The following ZNF577 variants were observed in gnomAD, a reference collection of about 807,000 sequenced individuals.
ZNF577 encodes zinc finger protein 577.
In ZNF577, 14 loss-of-function variants were observed where a neutral mutation model predicts 13.9. The ratio of observed to expected loss-of-function variants is 1.00; its 90% CI spans 0.66 to 1.57. The LOEUF (loss-of-function observed/expected upper bound fraction) is 1.57. Ranked by LOEUF, ZNF577 falls within the 40% of genes most tolerant of loss-of-function variation. The probability of loss-of-function intolerance (pLI) is 0.00; values close to 1 mark genes in which losing one functional copy is unlikely to be tolerated. For missense variants in ZNF577, 555 were observed against 579.2 expected, an observed-to-expected ratio of 0.96 and a Z score of 0.43; for synonymous variants, 203 against 202.9, an observed-to-expected ratio of 1.00 and a Z score of 0.00.
rs1244145867 is a variant in ZNF577, at chr19:51,824,058, A to T, written c.*600-12384T>A. On this transcript the variant is annotated intron_variant and NMD_transcript_variant, in intron 9 of 10. Transcript: ENST00000638827. This position sits in a 1 kb window ranked among gnomAD's most constrained non-coding sequence, Gnocchi z 4.7. ...ATTCCTATGTAAGTTAGTTCATGTTATGATAGACATCAACCTGTTTGTCAG... is the reference window on the plus strand; with the variant it reads ...ATTCCTATGTAAGTTAGTTCATGTTTTGATAGACATCAACCTGTTTGTCAG... 6.2e-7 allele frequency: 1 copy of T among 1,614,004 alleles called. No homozygotes were observed. The highest frequency in any genetic ancestry group is 8.5e-7 in the Non-Finnish European group (1 of 1,180,006).
chr19:51,879,452 C>G (rs1394001821), intron 3 of ZNF577, among the ~76,000 whole-genome samples: 1 of 151,614 alleles, frequency 6.6e-6, no homozygotes, highest in Non-Finnish European at 1.5e-5. Context: ...ACCTGTAATC[C>G]CAGTTACTCA....
intron 6 of ZNF577, among the ~76,000 whole-genome samples, chr19:51,843,530 T>C (rs915095762): frequency 1.3e-5 from 2 of 152,228 alleles, no homozygotes; most frequent in Non-Finnish European, 2.9e-5. Context: ...TTTCATTCAT[T>C]TGCCCGATGT....
At chr19:51,818,053 C>G (rs998421088) in intron 9 of ZNF577, among the ~76,000 whole-genome samples, 1 of 150,800 alleles carries the variant, frequency 6.6e-6, no homozygotes, top group African/African-American at 2.4e-5. Flanking sequence ...GAGTTCACGT[C>G]CTTTTTAGGG....
intron 5 of ZNF577, among the ~76,000 whole-genome samples, chr19:51,858,181 AC>A (rs1386650942): frequency 6.6e-6 from 1 of 152,216 alleles, no homozygotes; most frequent in Non-Finnish European, 1.5e-5. Flanking sequence ...TTCCACAGAA[AC>A]CATGGGCACG....
intron 5 of ZNF577, among the ~76,000 whole-genome samples, chr19:51,856,794 G>C (rs2122581281): frequency 6.6e-6 from 1 of 152,278 alleles, no homozygotes; most frequent in African/African-American, 2.4e-5. Flanking sequence ...AAAGGTGGTA[G>C]TATATTGCAG....
intron 9 of ZNF577, among the ~76,000 whole-genome samples, chr19:51,834,206 C>T (rs2084276992): frequency 6.6e-6 from 1 of 152,136 alleles, no homozygotes; most frequent in Non-Finnish European, 1.5e-5. Context: ...TCCTCCACCT[C>T]AGTCTCTGGA....
At chr19:51,863,190 C>A (rs772136157), downstream of ZNF577, 5 of 152,146 alleles carry the variant, frequency 3.3e-5, no homozygotes, top group African/African-American at 4.8e-5. Flanking sequence ...TTCTCTGAGG[C>A]ATGGTCATGA....
chr19:51,847,909 C>T (rs1163073541), intron 5 of ZNF577, among the ~76,000 whole-genome samples: 3 of 152,192 alleles, frequency 2.0e-5, no homozygotes, highest in African/African-American at 7.2e-5. Context: ...ATTATACAAA[C>T]TCAGTAGCAC....
intron 8 of ZNF577, among the ~76,000 whole-genome samples, chr19:51,840,292 C>G: frequency 6.6e-6 from 1 of 152,170 alleles, no homozygotes; most frequent in East Asian, 1.9e-4. Context: ...CAGAAGATGG[C>G]TGCACCTATT....
intron 5 of ZNF577, chr19:51,860,524 G>A (rs2084486132): frequency 6.5e-6 from 1 of 152,728 alleles, no homozygotes; most frequent in African/African-American, 2.4e-5. Context: ...TTTAAATAAA[G>A]AATTTTAGAC....
rs376719468 is a variant in ZNF577 at position 51,873,380 on chromosome 19, G to A, written c.610C>T (p.His204Tyr). ...TTCTCTCCTGTGTGAGTTCTCTGATGCTCAGTGAGCTGAATCTTCCTCATG... is the reference window on the plus strand; with the variant it reads ...TTCTCTCCTGTGTGAGTTCTCTGATACTCAGTGAGCTGAATCTTCCTCATG... ...TFMRKIQLTE[H>Y]QRTHTGEKPH... is the part of the protein sequence containing the mutation. Residue 204 changes from histidine to tyrosine, a missense_variant, in exon 6 of 6, where the codon CAT (histidine) becomes TAT (tyrosine). Physicochemically the swap from His to Tyr is moderately conservative, Grantham distance 83 (BLOSUM62 2). Coordinates refer to ENST00000638348, the MANE Select transcript of ZNF577 (RefSeq NM_001370449.1). 6.2e-7 allele frequency: 1 copy of A among 1,614,094 alleles called. No individual in the cohort carries two copies. The highest frequency in any genetic ancestry group is 8.5e-7 in the Non-Finnish European group (1 of 1,180,046).
Position 51,869,209 on chromosome 19 carries a change from C to A in ZNF577, c.*3323G>T, listed in dbSNP as rs1173520262. ...ATAAGAGGAAGGCATCTGTCTCTTG[C>A]TCGTCCCTGGGAATGGAATGTCTTG... On this transcript the variant is annotated 3_prime_UTR_variant, in exon 6 of 6. Transcript: ENST00000638348. Among the ~76,000 whole-genome samples the A allele has an allele frequency of 6.6e-6, 1 of 152,174 alleles. No individual in the cohort carries two copies. Among genetic ancestry groups the A allele is most frequent in the Non-Finnish European group, 1.5e-5 (1 of 68,026 alleles).
intron 5 of ZNF577, among the ~76,000 whole-genome samples, chr19:51,853,081 C>A (rs1274332137): frequency 6.6e-6 from 1 of 152,098 alleles, no homozygotes; most frequent in African/African-American, 2.4e-5. Context: ...GGATGACAGG[C>A]ACAGGCCGCC....
At chr19:51,874,752 G>A (rs939789795) in intron 5 of ZNF577, among the ~76,000 whole-genome samples, 2 of 152,074 alleles carry the variant, frequency 1.3e-5, no homozygotes, top group African/African-American at 4.8e-5. Flanking sequence ...ATTATAGAAG[G>A]GAATATGCTG....
At chr19:51,862,341 A>T (rs1284720478), downstream of ZNF577, 1 of 152,444 alleles carries the variant, frequency 6.6e-6, no homozygotes, top group African/African-American at 2.4e-5. Flanking sequence ...GAGTTTTCTT[A>T]TGATTGTTGA....
Position 51,867,464 on chromosome 19 carries a change from G to A in ZNF577, c.*5068C>T, listed in dbSNP as rs1474545994. On this transcript the variant is annotated 3_prime_UTR_variant, in exon 6 of 6. Coordinates refer to ENST00000638348, the MANE Select transcript of ZNF577 (RefSeq NM_001370449.1). ...AATTACTCAATTTCCCTCCCTTAAT[G>A]AAGGACAACTTTTTAAAAACACAAA... Among the ~76,000 whole-genome samples the A allele has an allele frequency of 6.6e-6, 1 of 151,914 alleles. No individual in the cohort carries two copies. Among genetic ancestry groups the A allele is most frequent in the Non-Finnish European group, 1.5e-5 (1 of 67,974 alleles).
At chr19:51,849,178 T>A (rs2084368337) in intron 5 of ZNF577, among the ~76,000 whole-genome samples, 1 of 152,192 alleles carries the variant, frequency 6.6e-6, no homozygotes, top group Admixed American at 6.5e-5. Flanking sequence ...CCTACTCTTC[T>A]CCAATGGAGA....
At position 51,818,143 on chromosome 19, in the gene ZNF577, C is replaced by A. The variant is rs569131924; in HGVS notation, c.*600-6469G>T. ...CAGCTTTTGAGTGCTTGCTATTTTT[C>A]TCATTTAACCTTAAGTGTGCTATAA... On this transcript the variant is annotated intron_variant and NMD_transcript_variant, in intron 9 of 10. Coordinates refer to the ZNF577 transcript ENST00000638827. 7.9e-5 allele frequency among the ~76,000 whole-genome samples: 12 copies of A among 152,244 alleles called. No homozygotes were observed. The South Asian group carries it at 2.5e-3, about 32-fold the overall frequency.
At chr19:51,878,767 C>T (rs1441777657) in intron 3 of ZNF577, 1 of 355,540 alleles carries the variant, frequency 2.8e-6, no homozygotes, top group Non-Finnish European at 5.2e-6. Flanking sequence ...GAAAAACTTA[C>T]CAATAATCTA....
Sources: allele counts gnomAD v4.1 joint callset (sites outside exome capture counted in the v4.1 genomes callset), GRCh38; gene constraint gnomAD v4.1.1; non-coding constraint Gnocchi (gnomAD v3.1); transcripts MANE v1.5; gene names NCBI Gene and HGNC (gene_info 2026-07-23, HGNC 2026-07-21).